Variants in SLC35D4 observed in about 807,000 individuals in gnomAD.
The protein encoded by SLC35D4 is solute carrier family 35 member D4.
At chr18:23,240,576 G>A in the SLC35D4 span, among the ~76,000 whole-genome samples, 1 of 152,252 alleles carries the variant, frequency 6.6e-6, no homozygotes, top group South Asian at 2.1e-4. Context: ...CAGACAGAGG[G>A]CAGATTCCCT....
At chr18:23,358,032 T>TC in the SLC35D4 span, among the ~76,000 whole-genome samples, 1 of 152,130 alleles carries the variant, frequency 6.6e-6, no homozygotes, top group African/African-American at 2.4e-5. Flanking sequence ...GAAGTCCCTT[T>TC]CCCCATAGAA....
the SLC35D4 span, among the ~76,000 whole-genome samples, chr18:23,354,053 G>A: frequency 6.6e-6 from 1 of 152,220 alleles, no homozygotes; most frequent in East Asian, 1.9e-4. Context: ...GCAGTGGACA[G>A]ATGTAGTTGC....
chr18:23,250,259 C>A, the SLC35D4 span, among the ~76,000 whole-genome samples: 3 of 152,194 alleles, frequency 2.0e-5, no homozygotes, highest in Non-Finnish European at 4.4e-5. Context: ...TGAGCCTGCT[C>A]ACATCATTGC....
chr18:23,300,953 A>G, the SLC35D4 span, among the ~76,000 whole-genome samples: 1 of 152,208 alleles, frequency 6.6e-6, no homozygotes, highest in Non-Finnish European at 1.5e-5. Flanking sequence ...ATTCCTGTTG[A>G]GCTAGTAGAC....
chr18:23,370,224 A>G, the SLC35D4 span: 1 of 1,608,548 alleles, frequency 6.2e-7, no homozygotes, highest in Non-Finnish European at 8.5e-7. Flanking sequence ...ACCTTAATGC[A>G]CTGGGTTTCT....
chr18:23,371,603 T>C, the SLC35D4 span: 2 of 602,554 alleles, frequency 3.3e-6, no homozygotes, highest in African/African-American at 3.9e-5. Context: ...CCTGGGGCCG[T>C]ACATCAGTTC....
At chr18:23,353,451 A>ATGCT in the SLC35D4 span, among the ~76,000 whole-genome samples, 1 of 152,150 alleles carries the variant, frequency 6.6e-6, no homozygotes, top group Non-Finnish European at 1.5e-5. Context: ...CATTAACTAA[A>ATGCT]TGCTTGTCAG....
At chr18:23,295,261 C>T in the SLC35D4 span, among the ~76,000 whole-genome samples, 1 of 151,632 alleles carries the variant, frequency 6.6e-6, no homozygotes, top group Non-Finnish European at 1.5e-5. Context: ...CCAATGCATG[C>T]TGGGCTTAAT....
chr18:23,299,174 C>G, the SLC35D4 span, among the ~76,000 whole-genome samples: 1 of 152,186 alleles, frequency 6.6e-6, no homozygotes, highest in African/African-American at 2.4e-5. Flanking sequence ...ATCTTGCGTA[C>G]GTTTTCAGCC....
chr18:23,404,142 C>A, the SLC35D4 span, among the ~76,000 whole-genome samples: 1 of 152,192 alleles, frequency 6.6e-6, no homozygotes, highest in Admixed American at 6.5e-5. Context: ...ATACACATAA[C>A]ATTTTCTTCA....
chr18:23,242,805 T>G, the SLC35D4 span, among the ~76,000 whole-genome samples: 1 of 152,178 alleles, frequency 6.6e-6, no homozygotes, highest in East Asian at 1.9e-4. Context: ...TACCGAATAT[T>G]AAAATCTAAG....
chr18:23,360,094 A>T, the SLC35D4 span, among the ~76,000 whole-genome samples: 1 of 152,182 alleles, frequency 6.6e-6, no homozygotes, highest in South Asian at 2.1e-4. Flanking sequence ...AGTCAAAAGC[A>T]CTATCCAGAA....
the SLC35D4 span, chr18:23,371,453 A>G: frequency 6.3e-7 from 1 of 1,598,630 alleles, no homozygotes; most frequent in Non-Finnish European, 8.5e-7. Context: ...TAGCCCAAAA[A>G]TATCCATCTG....
chr18:23,311,835 AC>A, the SLC35D4 span, among the ~76,000 whole-genome samples: 1 of 144,236 alleles, frequency 6.9e-6, no homozygotes, highest in Non-Finnish European at 1.5e-5. Context: ...CATTCCCCCC[AC>A]CCCCTTCATT....
chr18:23,424,556 G>A, the SLC35D4 span, among the ~76,000 whole-genome samples: 1 of 152,196 alleles, frequency 6.6e-6, no homozygotes, highest in Non-Finnish European at 1.5e-5. Flanking sequence ...CAAGCGTAGA[G>A]ATTACCCTTT....
the SLC35D4 span, among the ~76,000 whole-genome samples, chr18:23,333,840 G>A: frequency 4.6e-5 from 7 of 152,174 alleles, no homozygotes; most frequent in Admixed American, 6.5e-5. Context: ...GGTAGTCATC[G>A]TACAAAGGAC....
the SLC35D4 span, among the ~76,000 whole-genome samples, chr18:23,394,119 T>C: frequency 3.3e-5 from 5 of 152,252 alleles, no homozygotes; most frequent in Admixed American, 6.5e-5. Context: ...TTTGATGTTT[T>C]GAAGAAGCAC....
At chr18:23,283,539 G>A in the SLC35D4 span, among the ~76,000 whole-genome samples, 1 of 151,522 alleles carries the variant, frequency 6.6e-6, no homozygotes, top group Admixed American at 6.6e-5. Flanking sequence ...GCTAGGCACA[G>A]TGGCTCACGC....
chr18:23,331,278 G>A, the SLC35D4 span: 1 of 152,300 alleles, frequency 6.6e-6, no homozygotes, highest in African/African-American at 2.4e-5. Flanking sequence ...GCACCGAGCT[G>A]AAGATCTGTT....
Sources: gnomAD v4.1 joint callset for allele counts (sites outside exome capture counted in the v4.1 genomes callset) on GRCh38, gnomAD v4.1.1 for gene constraint, MANE v1.5 for transcripts, NCBI Gene and HGNC (gene_info 2026-07-23, HGNC 2026-07-21) for gene names.